Variants in AP5Z1 observed in about 807,000 individuals in gnomAD.
AP5Z1 encodes AP-5 complex subunit zeta-1.
AP5Z1 carries 106 observed loss-of-function variants against 83.0 expected under a neutral mutation model. That is an observed-to-expected ratio of 1.28 (90% CI 1.09 to 1.50). The LOEUF is 1.50. Ranked by LOEUF, AP5Z1 falls within the 40% of genes most tolerant of loss-of-function variation. AP5Z1 has a pLI of 0.00. For missense variants in AP5Z1, 1,565 were observed against 1,094.2 expected, an observed-to-expected ratio of 1.43 and a Z score of -6.07; for synonymous variants, 751 against 514.1, an observed-to-expected ratio of 1.46 and a Z score of -6.23.
At position 4,790,268 on chromosome 7, in the gene AP5Z1, G is replaced by A. The variant is rs750617267; in HGVS notation, c.1806-191G>A. 3 of 1,543,746 alleles carry A rather than the reference G, an allele frequency of 1.9e-6. No homozygotes were observed. The South Asian group carries it at 3.6e-5, about 18-fold the overall frequency. The stretch of plus-strand genomic sequence containing the variant: ...CACTCTGAGCCTGGGCCTGAGGCCA[G>A]CGCTGGTGCCAGCCTTCTCCCCAGT... On this transcript the variant is annotated intron_variant, in intron 14 of 16. Coordinates refer to ENST00000649063, the MANE Select transcript of AP5Z1 (RefSeq NM_014855.3).
Position 4,785,439 on chromosome 7 carries a change from A to C in AP5Z1, c.956A>C (p.Asp319Ala). ...NRRALRKGDS[D>A]LQKACLVEAV... ...GGAGCCCTGAGGAAGGGGGACTCCG[A>C]CCTGCAGAAAGCTGTAAGTGGCTGG... The change falls in exon 8 of 17, where the codon GAC becomes GCC. Residue 319 changes from aspartate to alanine, a missense_variant. Asp to Ala is a moderately radical substitution (Grantham distance 126). Coordinates refer to ENST00000649063, the MANE Select transcript of AP5Z1 (RefSeq NM_014855.3). The C allele has an allele frequency of 6.2e-7, 1 of 1,613,408 alleles. No homozygotes were observed. Among genetic ancestry groups the C allele is most frequent in the Non-Finnish European group, 8.5e-7 (1 of 1,179,678 alleles).
chr7:4,790,523 A>G lies in AP5Z1; in HGVS notation c.1870A>G (p.Arg624Gly). The change falls in exon 15 of 17, where the codon AGA becomes GGA. Residue 624 changes from arginine (R) to glycine (G), a missense_variant. By Grantham distance (125) the Arg-to-Gly change is moderately radical. Coordinates refer to ENST00000649063, the MANE Select transcript of AP5Z1 (RefSeq NM_014855.3). ...LKPSLVVELA[R>G]DLLEFLGSVN... ...ACCCTCCCTGGTGGTGGAGCTGGCA[A>G]GAGACCTGCTGGAGTTCCTGGGCAG... 1 of 1,613,088 alleles carries G rather than the reference A, an allele frequency of 6.2e-7. No homozygotes were observed. The highest frequency in any genetic ancestry group is 8.5e-7 in the Non-Finnish European group (1 of 1,179,794).
intron 5 of AP5Z1, 70 bp downstream of exon 5, chr7:4,783,868 G>A (rs1289286828): frequency 2.8e-6 from 4 of 1,452,020 alleles, no homozygotes; most frequent in Middle Eastern, 1.7e-4. Context: ...GAGCTCCTGT[G>A]CCCACAGCGG....
At chr7:4,787,197 C>G (rs769491409) in intron 10 of AP5Z1, among the ~76,000 whole-genome samples, 1 of 151,932 alleles carries the variant, frequency 6.6e-6, no homozygotes, top group Non-Finnish European at 1.5e-5. Context: ...CCTGTTGGTA[C>G]GAAAGTAGAT....
In AP5Z1 at chr7:4,791,402, G is replaced by T; in HGVS notation, c.*17G>T. On this transcript the variant is annotated 3_prime_UTR_variant, in exon 17 of 17. Transcript: ENST00000649063. ...CCAGGGTGAAGGGACAGTGGCCAGG[G>T]ACTTCGGTGCAGATTAAGAGCCTGG... 6.3e-7 allele frequency: 1 copy of T among 1,594,302 alleles called. No individual in the cohort carries two copies. The highest frequency in any genetic ancestry group is 8.5e-7 in the Non-Finnish European group (1 of 1,170,256).
intron 14 of AP5Z1, chr7:4,790,238 G>C: frequency 6.5e-7 from 1 of 1,549,092 alleles, no homozygotes; most frequent in Non-Finnish European, 8.7e-7. Context: ...GGCCCATCCT[G>C]GTTCCACTCT....
chr7:4,783,110 G>A (rs983575911), intron 3 of AP5Z1, among the ~76,000 whole-genome samples: 8 of 152,332 alleles, frequency 5.3e-5, no homozygotes, highest in Non-Finnish European at 1.2e-4. Flanking sequence ...CAGCCTCAGC[G>A]ATGCAGCTCC....
chr7:4,782,847 C>T (rs1398285194), intron 3 of AP5Z1, among the ~76,000 whole-genome samples: 1 of 152,242 alleles, frequency 6.6e-6, no homozygotes, highest in Admixed American at 6.5e-5. Context: ...GCACCCCCCG[C>T]CCGGCACGTG....
chr7:4,778,554 G>T (rs1207001185), intron 1 of AP5Z1, among the ~76,000 whole-genome samples: 1 of 151,992 alleles, frequency 6.6e-6, no homozygotes, highest in African/African-American at 2.4e-5. Flanking sequence ...CAGCGTTGGG[G>T]TCTGTAGGAG....
At position 4,779,035 on chromosome 7, in the gene AP5Z1, A is replaced by AAT. The variant is rs1482025051; in HGVS notation, c.42-2130_42-2129dup. The stretch of plus-strand genomic sequence containing the variant: ...GACAGCATAAGACTCTATCTCAAAA[A>AAT]ATATATATATAGATAGATAGATAGA... On this transcript the variant is annotated intron_variant, in intron 1 of 16. Coordinates refer to ENST00000649063, the MANE Select transcript of AP5Z1 (RefSeq NM_014855.3). 1.4e-3 allele frequency among the ~76,000 whole-genome samples: 206 copies of AAT among 145,698 alleles called. 3 individuals carry two copies. Among genetic ancestry groups the AAT allele is most frequent in the African/African-American group, 4.9e-3 (196 of 40,302 alleles).
At chr7:4,778,801 A>G (rs1365328309) in intron 1 of AP5Z1, among the ~76,000 whole-genome samples, 4 of 146,134 alleles carry the variant, frequency 2.7e-5, no homozygotes, top group African/African-American at 1.0e-4. Context: ...ATATAATTAT[A>G]TGTTATATAT....
chr7:4,779,826 T>C (rs944544711), intron 1 of AP5Z1, among the ~76,000 whole-genome samples: 1 of 152,010 alleles, frequency 6.6e-6, no homozygotes, highest in African/African-American at 2.4e-5. Context: ...GTATTTTTAG[T>C]AGAAACGGGG....
intron 13 of AP5Z1, 124 bp from the exon 14 acceptor site, chr7:4,789,708 A>G: frequency 3.1e-6 from 2 of 645,978 alleles, no homozygotes; most frequent in South Asian, 2.1e-5. Context: ...GGTGTTGGGG[A>G]AGGCAGTGGA....
At position 4,777,353 on chromosome 7, in the gene AP5Z1, C is replaced by CTTTATTTATTTATTTA. The variant is rs10676677; in HGVS notation, c.41+1617_41+1632dup. On this transcript the variant is annotated intron_variant, in intron 1 of 16. Transcript: ENST00000649063. Reference sequence around the variant, plus strand: ...CATGAAAAACAAAAGGAAGAGCCCTCTTTATTTATTTATTTATTTATTTAT... The same window carrying CTTTATTTATTTATTTA: ...CATGAAAAACAAAAGGAAGAGCCCTCTTTATTTATTTATTTATTTATTTATTTATTTATTTATTTAT... 1.6e-3 allele frequency among the ~76,000 whole-genome samples: 243 copies of CTTTATTTATTTATTTA among 148,948 alleles called. 1 individual carries two copies. The highest frequency in any genetic ancestry group is 5.4e-3 in the African/African-American group (216 of 39,890).
At chr7:4,789,996 C>G in intron 14 of AP5Z1, 67 bp downstream of exon 14, 1 of 804,002 alleles carries the variant, frequency 1.2e-6, no homozygotes, top group Non-Finnish European at 1.7e-6. Context: ...CCCCTCTCCC[C>G]TCCCCCCTCC....
Position 4,783,669 on chromosome 7 carries a change from TGCCACCCCACCCACTGCAGACCAG to T in AP5Z1, c.512-12_523del. ...TGTAGGATTCAACCTCACCTCCCCA[TGCCACCCCACCCACTGCAGACCAG>T]GCCACCCTGCTCAGCAAGCGGCTGG... On this transcript the variant is annotated splice_acceptor_variant and splice_polypyrimidine_tract_variant and coding_sequence_variant and intron_variant, in exon 5 of 17. Coordinates refer to ENST00000649063, the MANE Select transcript of AP5Z1 (RefSeq NM_014855.3). LOFTEE classifies it high-confidence loss of function. The T allele has an allele frequency of 1.3e-6, 2 of 1,545,190 alleles. No individual in the cohort carries two copies. Among genetic ancestry groups the T allele is most frequent in the East Asian group, 4.9e-5 (2 of 40,752 alleles).
rs1781805809 is a variant in AP5Z1 at position 4,792,310 on chromosome 7, CCTCCCCA to C, written c.*929_*935del. On this transcript the variant is annotated 3_prime_UTR_variant, in exon 17 of 17. Coordinates refer to ENST00000649063, the MANE Select transcript of AP5Z1 (RefSeq NM_014855.3). The stretch of plus-strand genomic sequence containing the variant: ...CCGCCCCCAGGCTCAAACTCTTCCC[CCTCCCCA>C]CTCTGGCTCCGCCCCCGGTCTCCTC... 6.6e-6 allele frequency: 1 copy of C among 152,212 alleles called. No individual in the cohort carries two copies. The highest frequency in any genetic ancestry group is 6.5e-5 in the Admixed American group (1 of 15,280). The allele number at this position is 152,212 out of a possible 1,614,324, so 9.4% of individuals were successfully genotyped here.
rs766088167 is a variant in AP5Z1 at position 4,781,735 on chromosome 7, C to T, written c.347C>T (p.Ala116Val). Residue 116 changes from alanine to valine, a missense_variant, in exon 3 of 17, where the codon GCC becomes GTC. Transcript: ENST00000649063. ...AACAGCCGGCAGCTGAGCCTGGTGG[C>T]CTCCGTTCTCTTGGCCCAGGTAGCG... ...TQNSRQLSLV[A>V]SVLLAQGDRN... 3.8e-6 allele frequency: 6 copies of T among 1,572,840 alleles called. No individual in the cohort carries two copies. The highest frequency in any genetic ancestry group is 5.2e-6 in the Non-Finnish European group (6 of 1,150,220).
chr7:4,786,440 C>T lies in AP5Z1; in HGVS notation c.1311+12C>T, dbSNP rs757732806. 7 of 1,612,926 alleles carry T rather than the reference C, an allele frequency of 4.3e-6. No homozygotes were observed. In the African/African-American group the frequency reaches 8.0e-5, roughly 19 times the overall value. ...CCAACCTCTTTAAGGTATATTTGGG[C>T]ATCCCTGGGTGCCAGGGCAGGGGCA... On this transcript the variant is annotated intron_variant, in intron 10 of 16. Coordinates refer to ENST00000649063, the MANE Select transcript of AP5Z1 (RefSeq NM_014855.3).
Sources: gnomAD v4.1 joint callset for allele counts (sites outside exome capture counted in the v4.1 genomes callset) on GRCh38, gnomAD v4.1.1 for gene constraint, MANE v1.5 for transcripts, NCBI Gene and HGNC (gene_info 2026-07-23, HGNC 2026-07-21) for gene names.